Variants in FAM135B observed in about 807,000 individuals in gnomAD.
FAM135B encodes the protein family with sequence similarity 135 member B, also known as protein FAM135B.
FAM135B carries 43 observed loss-of-function variants against 127.7 expected under a neutral mutation model. That is an observed-to-expected ratio of 0.34 (90% CI 0.26 to 0.43). The LOEUF is 0.43. Among genes scored for constraint, FAM135B ranks in the 20% least tolerant of loss-of-function variants. FAM135B has a pLI of 1.00. For missense variants in FAM135B, 1,558 were observed against 1,725.6 expected (o/e 0.90, Z 1.72); for synonymous variants, 670 against 665.1 (o/e 1.01, Z -0.11).
intron 9 of FAM135B, among the ~76,000 whole-genome samples, chr8:138,182,628 T>C (rs1332730014): frequency 1.3e-5 from 2 of 152,214 alleles, no homozygotes; most frequent in Non-Finnish European, 2.9e-5. Context: ...AATTATAATA[T>C]ACTTGTAAAC....
At chr8:138,258,350 T>C (rs1822271519) in intron 4 of FAM135B, among the ~76,000 whole-genome samples, 1 of 152,176 alleles carries the variant, frequency 6.6e-6, no homozygotes, top group African/African-American at 2.4e-5. Flanking sequence ...TATCTTTAGG[T>C]CTCCAGGGTT....
At chr8:138,229,147 G>C (rs894518973) in intron 7 of FAM135B, among the ~76,000 whole-genome samples, 3 of 152,068 alleles carry the variant, frequency 2.0e-5, no homozygotes, top group African/African-American at 4.8e-5. Context: ...TCATTACTAA[G>C]AGCAGTCATT....
chr8:138,148,643 C>G lies in FAM135B; in HGVS notation c.3325G>C (p.Glu1109Gln), dbSNP rs2130693485. ...GTTAAGTCACTGTACAGAAATCCTT[C>G]AATCTTCAGTTCTTTTTTAAATTTT... ...KEKFKKELKI[E>Q]GFLYSDLTVL... Residue 1109 changes from glutamate (E) to glutamine (Q), a missense_variant, in exon 14 of 20, where the codon GAA becomes CAA. Glu to Gln is a conservative substitution (Grantham distance 29, BLOSUM62 2). This residue lies in a region of FAM135B where 923 missense variants were observed against 865.3 expected (regional missense o/e 1.07). Transcript: ENST00000395297. 6.2e-7 allele frequency: 1 copy of G among 1,608,936 alleles called. No individual in the cohort carries two copies. The highest frequency in any genetic ancestry group is 8.5e-7 in the Non-Finnish European group (1 of 1,177,700).
chr8:138,342,819 C>T (rs1044217973), intron 2 of FAM135B, among the ~76,000 whole-genome samples: 1 of 152,182 alleles, frequency 6.6e-6, no homozygotes. Context: ...TATGCATCCC[C>T]ATAGACATGT....
rs527597647 is a variant in FAM135B at position 138,292,870 on chromosome 8, C to G, written c.157+17971G>C. On this transcript the variant is annotated intron_variant, in intron 3 of 19. Coordinates refer to ENST00000395297, the MANE Select transcript of FAM135B (RefSeq NM_015912.4). ...ATTCAATGCAATTCCTATCAAAATA[C>G]CGTCATCTTTCACAGAATTAGAAAA... Among the ~76,000 whole-genome samples the G allele has an allele frequency of 2.2e-4, 33 of 152,032 alleles. 1 individual carries two copies. Among genetic ancestry groups the G allele is most frequent in the African/African-American group, 7.7e-4 (32 of 41,514 alleles).
At chr8:138,248,989 G>A (rs538963982) in intron 6 of FAM135B, among the ~76,000 whole-genome samples, 10 of 152,156 alleles carry the variant, frequency 6.6e-5, no homozygotes, top group East Asian at 1.9e-4. Flanking sequence ...GACTCCAGCC[G>A]ATGAAAGAAC....
chr8:138,156,053 A>G (rs571543954), intron 12 of FAM135B, among the ~76,000 whole-genome samples: 1 of 152,132 alleles, frequency 6.6e-6, no homozygotes, highest in South Asian at 2.1e-4. Context: ...GAAGTAAAGC[A>G]CTCCTCAGCA....
Position 138,241,788 on chromosome 8 carries a change from G to A in FAM135B, c.669+1154C>T, listed in dbSNP as rs546212900. 2.6e-5 allele frequency among the ~76,000 whole-genome samples: 4 copies of A among 152,266 alleles called. No homozygotes were observed. The highest frequency in any genetic ancestry group is 3.9e-4 in the East Asian group (2 of 5,176). On this transcript the variant is annotated intron_variant, in intron 7 of 19. Transcript: ENST00000395297. The surrounding 1 kb of genome is among the most constrained non-coding windows in gnomAD (Gnocchi z 4.8). ...TACTTGGGCCACAAGGTGCCCAGACGTTTGGTTGAACATTATTCTAGGTAA... is the reference window on the plus strand; with the variant it reads ...TACTTGGGCCACAAGGTGCCCAGACATTTGGTTGAACATTATTCTAGGTAA...
At chr8:138,276,572 T>C (rs1823842171) in intron 3 of FAM135B, among the ~76,000 whole-genome samples, 1 of 151,908 alleles carries the variant, frequency 6.6e-6, no homozygotes, top group Non-Finnish European at 1.5e-5. Context: ...GCCCAGCCAG[T>C]CCAGAAACAG....
intron 12 of FAM135B, among the ~76,000 whole-genome samples, chr8:138,154,084 G>A (rs775829362): frequency 1.1e-4 from 17 of 152,168 alleles, no homozygotes; most frequent in Non-Finnish European, 1.6e-4. Flanking sequence ...CCTCTGAGAC[G>A]AAGCTTCCAG....
chr8:138,164,683 C>G (rs1443601330), intron 12 of FAM135B, among the ~76,000 whole-genome samples: 2 of 152,174 alleles, frequency 1.3e-5, no homozygotes, highest in East Asian at 3.8e-4. Flanking sequence ...TTAGAATTGT[C>G]CCGTCTTTCC....
chr8:138,376,977 C>T (rs1275082112), intron 1 of FAM135B, among the ~76,000 whole-genome samples: 1 of 152,196 alleles, frequency 6.6e-6, no homozygotes, highest in Non-Finnish European at 1.5e-5. Flanking sequence ...TAGTTATTTA[C>T]ATTTTTTAAA....
chr8:138,294,040 T>C (rs185502885), intron 3 of FAM135B, among the ~76,000 whole-genome samples: 7 of 152,274 alleles, frequency 4.6e-5, no homozygotes. Context: ...ATATGCTATA[T>C]CCACACCATG....
intron 1 of FAM135B, among the ~76,000 whole-genome samples, chr8:138,368,265 T>C (rs1055200758): frequency 3.9e-5 from 6 of 152,116 alleles, no homozygotes; most frequent in Non-Finnish European, 5.9e-5. Context: ...CCCCTGCCCT[T>C]TCCTATCTGT....
intron 7 of FAM135B, among the ~76,000 whole-genome samples, chr8:138,231,330 T>A (rs2130210480): frequency 6.6e-6 from 1 of 152,300 alleles, no homozygotes; most frequent in Admixed American, 6.5e-5. Context: ...CTCAAGACTT[T>A]TTTAAATAGC....
intron 1 of FAM135B, among the ~76,000 whole-genome samples, chr8:138,466,283 A>C (rs1219589937): frequency 6.6e-6 from 1 of 152,230 alleles, no homozygotes; most frequent in African/African-American, 2.4e-5. Flanking sequence ...AATCAAAGCA[A>C]GCAAGAGAGC....
At chr8:138,213,819 C>G (rs1171086038) in intron 7 of FAM135B, among the ~76,000 whole-genome samples, 1 of 152,126 alleles carries the variant, frequency 6.6e-6, no homozygotes. Flanking sequence ...ACTTAGAGGA[C>G]AGTATCAAGG....
At chr8:138,493,127 T>C (rs1292339364) in intron 1 of FAM135B, among the ~76,000 whole-genome samples, 2 of 152,190 alleles carry the variant, frequency 1.3e-5, no homozygotes, top group African/African-American at 2.4e-5. Flanking sequence ...ACTCCTGAGA[T>C]GGGTGTGCAG....
chr8:138,372,202 T>G (rs987742924), intron 1 of FAM135B, among the ~76,000 whole-genome samples: 1 of 152,238 alleles, frequency 6.6e-6, no homozygotes, highest in Non-Finnish European at 1.5e-5. Flanking sequence ...TCAGCTCACC[T>G]GAAGTCGGCA....
Sources: allele counts gnomAD v4.1 joint callset (sites outside exome capture counted in the v4.1 genomes callset), GRCh38; gene constraint gnomAD v4.1.1; regional missense constraint gnomAD v4.1.1; non-coding constraint Gnocchi (gnomAD v3.1); transcripts MANE v1.5; gene names NCBI Gene and HGNC (gene_info 2026-07-23, HGNC 2026-07-21).